Variants in STAC observed in about 807,000 individuals in gnomAD.
The protein encoded by STAC is SH3 and cysteine rich domain, also known as SH3 and cysteine-rich domain-containing protein.
Under a neutral mutation model 48.8 loss-of-function variants are expected in STAC, and 43 were observed. The observed-to-expected ratio is 0.88, with a 90% CI of 0.69 to 1.14. The LOEUF is 1.14. Among genes scored for constraint, STAC ranks in the 50% most tolerant of loss-of-function variants. The probability of loss-of-function intolerance (pLI) is 0.00; values close to 1 mark genes in which losing one functional copy is unlikely to be tolerated. For missense variants in STAC, 497 were observed against 504.0 expected (o/e 0.99, Z 0.13); for synonymous variants, 193 against 179.5 (o/e 1.07, Z -0.60).
chr3:36,535,279 T>C (rs1699172421), intron 10 of STAC, among the ~76,000 whole-genome samples: 1 of 152,170 alleles, frequency 6.6e-6, no homozygotes, highest in Non-Finnish European at 1.5e-5. Flanking sequence ...TGCTTGTCCG[T>C]TGTTGGCGTA....
At chr3:36,482,425 C>G (rs77915587) in intron 2 of STAC, among the ~76,000 whole-genome samples, 2 of 152,180 alleles carry the variant, frequency 1.3e-5, no homozygotes, top group Non-Finnish European at 2.9e-5. Context: ...AAGTGACTCA[C>G]CGCAGCCACA....
At chr3:36,518,482 A>G (rs1240508367) in intron 8 of STAC, among the ~76,000 whole-genome samples, 1 of 152,226 alleles carries the variant, frequency 6.6e-6, no homozygotes, top group Non-Finnish European at 1.5e-5. Flanking sequence ...CTCTTTCAGT[A>G]TTATTAAATC....
intron 1 of STAC, among the ~76,000 whole-genome samples, chr3:36,390,696 A>C (rs1016751208): frequency 2.0e-5 from 3 of 151,992 alleles, no homozygotes; most frequent in Admixed American, 6.6e-5. Context: ...TTTTAAGGCT[A>C]TGCCAAGTTT....
chr3:36,478,179 C>T (rs1697542605), intron 2 of STAC, among the ~76,000 whole-genome samples: 1 of 152,182 alleles, frequency 6.6e-6, no homozygotes, highest in African/African-American at 2.4e-5. Context: ...CCCTTTGTTT[C>T]TTTCTTCCTT....
chr3:36,457,328 A>T (rs1696882295), intron 2 of STAC, among the ~76,000 whole-genome samples: 2 of 152,244 alleles, frequency 1.3e-5, no homozygotes, highest in Non-Finnish European at 2.9e-5. Flanking sequence ...TGTCTTTAAA[A>T]TGAGAGCAGA....
chr3:36,448,804 A>C (rs1014071690), intron 2 of STAC, among the ~76,000 whole-genome samples: 3 of 151,964 alleles, frequency 2.0e-5, no homozygotes, highest in African/African-American at 7.3e-5. Context: ...CTCCACTGGC[A>C]CAGTAGCTTG....
intron 1 of STAC, among the ~76,000 whole-genome samples, chr3:36,428,535 C>CAA (rs1700619389): frequency 6.6e-6 from 1 of 152,102 alleles, no homozygotes; most frequent in African/African-American, 2.4e-5. Context: ...GAAACAAAAT[C>CAA]AAATAGTAAT....
rs542974406 is a variant in STAC, at chr3:36,502,180, T to G, written c.767-2213T>G. Among the ~76,000 whole-genome samples the G allele has an allele frequency of 3.3e-5, 5 of 152,286 alleles. No individual in the cohort carries two copies. In the South Asian group the frequency reaches 1.0e-3, roughly 32 times the overall value. ...GATGTGGTAAGAACTAAAGGTTCAT[T>G]TTGCTTCTGTAACATTAGAAACTAT... On this transcript the variant is annotated intron_variant, in intron 6 of 10. Transcript: ENST00000273183.
At chr3:36,512,211 G>A (rs1274587405) in intron 8 of STAC, among the ~76,000 whole-genome samples, 1 of 152,152 alleles carries the variant, frequency 6.6e-6, no homozygotes, top group African/African-American at 2.4e-5. Flanking sequence ...TACCTGAACA[G>A]TCTAGCATAA....
At chr3:36,519,782 C>T (rs1358257548) in intron 8 of STAC, among the ~76,000 whole-genome samples, 1 of 152,096 alleles carries the variant, frequency 6.6e-6, no homozygotes, top group Non-Finnish European at 1.5e-5. Flanking sequence ...ATGAGAGAAC[C>T]AGTAAGATGC....
chr3:36,468,219 C>T (rs756884582), intron 2 of STAC, among the ~76,000 whole-genome samples: 2 of 151,832 alleles, frequency 1.3e-5, no homozygotes, highest in Non-Finnish European at 2.9e-5. Context: ...TGAGAGAGTA[C>T]TTGATATAGT....
chr3:36,408,508 A>G (rs1430569074), intron 1 of STAC, among the ~76,000 whole-genome samples: 2 of 152,174 alleles, frequency 1.3e-5, no homozygotes, highest in East Asian at 3.9e-4. Context: ...TCTCAGTCCA[A>G]ACATCAAAGA....
chr3:36,397,529 T>A (rs906650788), intron 1 of STAC, among the ~76,000 whole-genome samples: 3 of 152,156 alleles, frequency 2.0e-5, no homozygotes. Flanking sequence ...ATATGTTGCA[T>A]GAGACCAAAA....
At chr3:36,504,551 A>G in intron 7 of STAC, 94 bp downstream of exon 7, 1 of 955,742 alleles carries the variant, frequency 1.0e-6, no homozygotes, top group South Asian at 1.4e-5. Context: ...CAATTTAGTG[A>G]GTCCAGACCA....
At chr3:36,409,507 T>C (rs1440708558) in intron 1 of STAC, 5 of 152,214 alleles carry the variant, frequency 3.3e-5, no homozygotes, top group Non-Finnish European at 1.5e-5. Flanking sequence ...CCCAGCCCTA[T>C]GGATGACGTG....
intron 1 of STAC, among the ~76,000 whole-genome samples, chr3:36,432,646 T>C (rs1700732966): frequency 6.6e-6 from 1 of 150,990 alleles, no homozygotes; most frequent in African/African-American, 2.4e-5. Context: ...GAGGTTGCAG[T>C]GAGCCAAGAT....
chr3:36,419,927 T>C (rs547681242), intron 1 of STAC, among the ~76,000 whole-genome samples: 4 of 152,356 alleles, frequency 2.6e-5, no homozygotes, highest in Non-Finnish European at 4.4e-5. Context: ...TGTTTGATTT[T>C]GCCTCTGTCA....
In STAC at chr3:36,493,066, C is replaced by T. The variant is rs114232055; in HGVS notation, c.688-85C>T. ...TCCTTATGTGTCATGCAAATTCTAC[C>T]TAAGCTCTCTTACACCAAAGTATCT... On this transcript the variant is annotated intron_variant, in intron 5 of 10. Coordinates refer to ENST00000273183, the MANE Select transcript of STAC (RefSeq NM_003149.3). 3,651 of 1,325,138 alleles carry T rather than the reference C, an allele frequency of 2.8e-3. 15 individuals are homozygous for T. The highest frequency in any genetic ancestry group is 0.013 in the South Asian group (1,048 of 79,580). 82.1% of individuals were successfully genotyped at this position (1,325,138 alleles called of 1,614,324 possible). A position where few individuals can be genotyped will look rare whatever the true frequency, so the allele number is the denominator to read the frequency against.
At chr3:36,523,094 C>A (rs1302668028) in intron 8 of STAC, among the ~76,000 whole-genome samples, 1 of 152,232 alleles carries the variant, frequency 6.6e-6, no homozygotes, top group Non-Finnish European at 1.5e-5. Context: ...ACCCAGAAAG[C>A]AACCATTGGT....
Sources: allele counts gnomAD v4.1 joint callset (sites outside exome capture counted in the v4.1 genomes callset), GRCh38; gene constraint gnomAD v4.1.1; transcripts MANE v1.5; gene names NCBI Gene and HGNC (gene_info 2026-07-23, HGNC 2026-07-21).